RBFOX1: variants seen among roughly 807,000 people sequenced by gnomAD.
RBFOX1 encodes the protein RNA binding fox-1 homolog 1.
A neutral mutation model predicts 57.7 loss-of-function variants in RBFOX1; 8 were observed. The ratio of observed to expected loss-of-function variants is 0.14; its 90% CI spans 0.08 to 0.25. The LOEUF (loss-of-function observed/expected upper bound fraction) is 0.25, where lower values mean the gene tolerates loss of function less well. Among genes scored for constraint, RBFOX1 ranks in the 10% least tolerant of loss-of-function variants. The probability of loss-of-function intolerance (pLI) is 1.00; values close to 1 mark genes in which losing one functional copy is unlikely to be tolerated. For missense variants in RBFOX1, 611 were observed against 548.5 expected (o/e 1.11, Z -1.14); for synonymous variants, 326 against 222.4 (o/e 1.47, Z -4.15).
chr16:6,911,548 A>G (rs1021503787), intron 3 of RBFOX1, among the ~76,000 whole-genome samples: 2 of 152,170 alleles, frequency 1.3e-5, no homozygotes, highest in African/African-American at 4.8e-5. Context: ...TGATGACATC[A>G]GTCATATTGA....
At chr16:7,173,019 T>A (rs999569188) in intron 4 of RBFOX1, among the ~76,000 whole-genome samples, 1 of 152,150 alleles carries the variant, frequency 6.6e-6, no homozygotes, top group African/African-American at 2.4e-5. Context: ...GTGTGTATTT[T>A]CCCTAGAATT....
At chr16:5,453,577 G>A (rs890175408) in intron 1 of RBFOX1, among the ~76,000 whole-genome samples, 2 of 152,110 alleles carry the variant, frequency 1.3e-5, no homozygotes, top group African/African-American at 4.8e-5. Flanking sequence ...GAAGCTACAT[G>A]CATCATAGGA....
At chr16:6,813,692 C>T (rs2089343393) in intron 3 of RBFOX1, among the ~76,000 whole-genome samples, 1 of 152,154 alleles carries the variant, frequency 6.6e-6, no homozygotes, top group South Asian at 2.1e-4. Context: ...TTCCAAGTCC[C>T]ATACTCTCTC....
chr16:6,635,171 G>A (rs1175938041), intron 2 of RBFOX1, among the ~76,000 whole-genome samples: 4 of 146,894 alleles, frequency 2.7e-5, no homozygotes, highest in South Asian at 2.1e-4. Flanking sequence ...AATATATTAC[G>A]AAAGTTTTAA....
intron 5 of RBFOX1, among the ~76,000 whole-genome samples, chr16:7,566,840 G>A (rs1217260412): frequency 6.6e-6 from 1 of 152,028 alleles, no homozygotes; most frequent in African/African-American, 2.4e-5. Flanking sequence ...CAGGGAGCTT[G>A]TGAACTTTCT....
chr16:7,503,524 T>A (rs1254265132), intron 4 of RBFOX1, among the ~76,000 whole-genome samples: 1 of 152,198 alleles, frequency 6.6e-6, no homozygotes. Flanking sequence ...TTTGGTTAAA[T>A]GTAGTAGTAT....
intron 2 of RBFOX1, among the ~76,000 whole-genome samples, chr16:6,593,510 G>C (rs758139721): frequency 6.6e-6 from 1 of 152,152 alleles, no homozygotes. Flanking sequence ...TTGAGCCTCA[G>C]GCTGACAATG....
At chr16:7,240,115 C>T (rs534634365) in intron 4 of RBFOX1, among the ~76,000 whole-genome samples, 3 of 152,036 alleles carry the variant, frequency 2.0e-5, no homozygotes, top group Admixed American at 6.6e-5. Context: ...TACGGGCACC[C>T]GCCACCACGC....
At chr16:5,700,976 A>G (rs1241649554) in intron 3 of RBFOX1, among the ~76,000 whole-genome samples, 3 of 152,232 alleles carry the variant, frequency 2.0e-5, no homozygotes, top group Non-Finnish European at 2.9e-5. Context: ...TACTACTTCC[A>G]AAAGGTAGAA....
intron 4 of RBFOX1, among the ~76,000 whole-genome samples, chr16:7,407,698 A>G (rs948471423): frequency 3.9e-5 from 6 of 152,144 alleles, no homozygotes; most frequent in African/African-American, 1.4e-4. Flanking sequence ...CCTTAATACA[A>G]TGCTGGTTGA....
intron 4 of RBFOX1, among the ~76,000 whole-genome samples, chr16:7,467,171 C>G (rs747473624): frequency 6.6e-6 from 1 of 152,206 alleles, no homozygotes; most frequent in African/African-American, 2.4e-5. Context: ...AATCAGACTT[C>G]TTTGCATCCC....
At chr16:5,806,549 A>G (rs958285073) in intron 3 of RBFOX1, among the ~76,000 whole-genome samples, 1 of 152,198 alleles carries the variant, frequency 6.6e-6, no homozygotes, top group Non-Finnish European at 1.5e-5. Context: ...TTCAACAGGA[A>G]TTTTGGAGGG....
intron 1 of RBFOX1, among the ~76,000 whole-genome samples, chr16:5,291,132 C>T (rs927841608): frequency 8.6e-5 from 13 of 151,934 alleles, no homozygotes; most frequent in African/African-American, 1.7e-4. Flanking sequence ...AAACTTCACA[C>T]GAGTGGTCCC....
chr16:5,707,938 T>G (rs1303281489), intron 3 of RBFOX1, among the ~76,000 whole-genome samples: 2 of 152,190 alleles, frequency 1.3e-5, no homozygotes, highest in Admixed American at 1.3e-4. Context: ...TTTCTAAGCT[T>G]TAGTTTTCTA....
At chr16:5,455,540 C>T (rs186811622) in intron 1 of RBFOX1, among the ~76,000 whole-genome samples, 32 of 152,316 alleles carry the variant, frequency 2.1e-4, no homozygotes, top group Admixed American at 1.7e-3. Flanking sequence ...TTCTTTCTTT[C>T]ATTCTTACCT....
intron 2 of RBFOX1, among the ~76,000 whole-genome samples, chr16:6,614,726 G>A (rs1272831503): frequency 6.6e-6 from 1 of 152,020 alleles, no homozygotes; most frequent in Non-Finnish European, 1.5e-5. Flanking sequence ...CCAGTCTCTG[G>A]CTTTATCTTC....
chr16:7,026,143 C>T (rs934407474), intron 3 of RBFOX1, among the ~76,000 whole-genome samples: 3 of 152,274 alleles, frequency 2.0e-5, no homozygotes, highest in Non-Finnish European at 2.9e-5. Flanking sequence ...CAGAAGGCCT[C>T]CCTCTGCGTG....
intron 1 of RBFOX1, among the ~76,000 whole-genome samples, chr16:6,295,085 C>G (rs1441192398): frequency 2.0e-5 from 3 of 147,520 alleles, no homozygotes; most frequent in Non-Finnish European, 4.4e-5. Flanking sequence ...TGGCAAAGAG[C>G]TCTTAAGCAG....
At chr16:5,634,969 A>T (rs1245638553) in intron 3 of RBFOX1, among the ~76,000 whole-genome samples, 1 of 152,174 alleles carries the variant, frequency 6.6e-6, no homozygotes, top group Non-Finnish European at 1.5e-5. Context: ...TACTGTGTAC[A>T]GGGGAGGAGA....
Sources: gnomAD v4.1 joint callset for allele counts (sites outside exome capture counted in the v4.1 genomes callset) on GRCh38, gnomAD v4.1.1 for gene constraint, MANE v1.5 for transcripts, NCBI Gene and HGNC (gene_info 2026-07-23, HGNC 2026-07-21) for gene names.